The following SYCE1 variants were observed in gnomAD, a reference collection of about 807,000 sequenced individuals.
SYCE1 encodes the protein cancer/testis antigen 76.
Under a neutral mutation model 55.1 loss-of-function variants are expected in SYCE1, and 37 were observed. That is an observed-to-expected ratio of 0.67 (90% CI 0.52 to 0.88). SYCE1 has a LOEUF of 0.88. SYCE1 is among the 40% of genes least tolerant of loss of function. SYCE1 has a pLI of 0.00. For missense variants in SYCE1, 399 were observed against 416.4 expected, an observed-to-expected ratio of 0.96 and a Z score of 0.36; for synonymous variants, 163 against 159.4, an observed-to-expected ratio of 1.02 and a Z score of -0.17.
At chr10:133,564,804 A>G (rs1317020297) in intron 1 of SYCE1, among the ~76,000 whole-genome samples, 7 of 152,176 alleles carry the variant, frequency 4.6e-5, no homozygotes, top group African/African-American at 1.7e-4. Flanking sequence ...ATCCTCACAG[A>G]ACACCCAGAG....
chr10:133,566,882 AGTTACAGTTGGG>A (rs1851953416), upstream of SYCE1, among the ~76,000 whole-genome samples: 1 of 24,252 alleles, frequency 4.1e-5, no homozygotes, highest in East Asian at 3.5e-3. Flanking sequence ...TAGCATTAGG[AGTTACAGTTGGG>A]TTAAGGGTTG....
rs1289209895 is a variant in SYCE1 at position 133,565,546 on chromosome 10, A to G, written c.-17T>C. On this transcript the variant is annotated 5_prime_UTR_variant, in exon 1 of 13. Coordinates refer to ENST00000343131, the MANE Select transcript of SYCE1 (RefSeq NM_001143764.3). ...CCCCGCCATTTCCTCTCAGCTCGCC[A>G]GCGAGGGTGCCTCGGGAGGGAGCCT... The G allele has an allele frequency of 3.2e-6, 5 of 1,548,590 alleles. No homozygotes were observed. Among genetic ancestry groups the G allele is most frequent in the African/African-American group, 1.4e-5 (1 of 73,034 alleles).
chr10:133,565,550 A>C lies in SYCE1; in HGVS notation c.-21T>G, dbSNP rs897434522. ...GCCATTTCCTCTCAGCTCGCCAGCGAGGGTGCCTCGGGAGGGAGCCTCCAG... is the reference window on the plus strand; with the variant it reads ...GCCATTTCCTCTCAGCTCGCCAGCGCGGGTGCCTCGGGAGGGAGCCTCCAG... On this transcript the variant is annotated 5_prime_UTR_variant, in exon 1 of 13. Coordinates refer to ENST00000343131, the MANE Select transcript of SYCE1 (RefSeq NM_001143764.3). The C allele has an allele frequency of 3.6e-5, 55 of 1,548,184 alleles. No homozygotes were observed. In the Middle Eastern group the frequency reaches 5.0e-4, roughly 14 times the overall value.
At chr10:133,564,546 C>T (rs1339148780) in intron 1 of SYCE1, 1 of 430,698 alleles carries the variant, frequency 2.3e-6, no homozygotes, top group African/African-American at 2.1e-5. Flanking sequence ...TTCACTGTGC[C>T]ACATCTCACT....
intron 6 of SYCE1, 109 bp from the exon 7 acceptor site, chr10:133,557,265 G>A: frequency 2.3e-6 from 2 of 851,432 alleles, no homozygotes; most frequent in Non-Finnish European, 3.9e-6. Context: ...TCTACATTAA[G>A]GTCCTTCTCT....
chr10:133,558,039 T>C, intron 5 of SYCE1, 121 bp from the exon 6 acceptor site: 1 of 1,517,506 alleles, frequency 6.6e-7, no homozygotes, highest in East Asian at 2.3e-5. Context: ...ATTTACTACA[T>C]GTCTGGTGGA....
chr10:133,556,514 G>A, intron 8 of SYCE1: 1 of 579,982 alleles, frequency 1.7e-6, no homozygotes, highest in Non-Finnish European at 3.1e-6. Flanking sequence ...GCCCGTGATG[G>A]TCCCAGACAC....
intron 6 of SYCE1, chr10:133,557,522 G>A: frequency 2.0e-6 from 1 of 489,366 alleles, no homozygotes; most frequent in Non-Finnish European, 3.7e-6. Flanking sequence ...GATAATGGAT[G>A]AATGGAGAGA....
intron 5 of SYCE1, 24 bp downstream of exon 5, chr10:133,558,143 T>A: frequency 6.2e-7 from 1 of 1,614,102 alleles, no homozygotes; most frequent in South Asian, 1.1e-5. Flanking sequence ...GGCACAAGCC[T>A]GGAGACAGGG....
intron 8 of SYCE1, 82 bp downstream of exon 8, chr10:133,556,677 G>A (rs1851690776): frequency 7.0e-7 from 1 of 1,425,428 alleles, no homozygotes; most frequent in Admixed American, 2.0e-5. Flanking sequence ...GGTTGTGGCA[G>A]GTGAGAGGAA....
upstream of SYCE1, among the ~76,000 whole-genome samples, chr10:133,567,225 CG>C (rs1564861140): frequency 6.7e-6 from 1 of 149,080 alleles, no homozygotes; most frequent in African/African-American, 2.5e-5. Context: ...GGGTTTGTGT[CG>C]GGGTTGGGTT....
At chr10:133,567,049 C>T (rs542614085), upstream of SYCE1, among the ~76,000 whole-genome samples, 16 of 149,946 alleles carry the variant, frequency 1.1e-4, no homozygotes, top group African/African-American at 3.0e-4. Context: ...GGCATAGGTT[C>T]GAGTTTGGGT....
upstream of SYCE1, chr10:133,568,154 C>T (rs942444764): frequency 1.1e-6 from 1 of 877,152 alleles, no homozygotes; most frequent in Non-Finnish European, 1.8e-6. Flanking sequence ...GAGGCACAGG[C>T]CGCCCGTGGG....
intron 1 of SYCE1, 141 bp downstream of exon 1, chr10:133,565,316 A>G: frequency 1.3e-6 from 1 of 745,242 alleles, no homozygotes; most frequent in Non-Finnish European, 2.0e-6. Flanking sequence ...TCTTGGCCGA[A>G]ATTTTTCTGA....
At chr10:133,558,364 G>T in intron 4 of SYCE1, 150 bp from the exon 5 acceptor site, 1 of 820,446 alleles carries the variant, frequency 1.2e-6, no homozygotes, top group Non-Finnish European at 2.0e-6. Context: ...ACCCTCTGGT[G>T]CCCACATTCC....
At chr10:133,553,964 C>T, downstream of SYCE1, 1 of 222,808 alleles carries the variant, frequency 4.5e-6, no homozygotes, top group Non-Finnish European at 8.8e-6. Flanking sequence ...GTGTCAAAGG[C>T]CTTTTATTCA....
upstream of SYCE1, chr10:133,567,984 A>T (rs1298497295): frequency 1.7e-6 from 1 of 591,412 alleles, no homozygotes; most frequent in Non-Finnish European, 3.2e-6. Flanking sequence ...TCCTGCACCC[A>T]CTGGGGCTCC....
chr10:133,556,246 T>A (rs1437669986), intron 8 of SYCE1, 199 bp from the exon 9 acceptor site: 1 of 619,152 alleles, frequency 1.6e-6, no homozygotes, highest in African/African-American at 1.8e-5. Flanking sequence ...TCATCCCACA[T>A]CTCTGCGGTA....
chr10:133,555,277 C>T (rs1851630773), intron 12 of SYCE1, 74 bp downstream of exon 12: 2 of 1,600,334 alleles, frequency 1.2e-6, no homozygotes, highest in South Asian at 1.1e-5. Context: ...GGACCCCCTC[C>T]CTTGTCCTCC....
Sources: gnomAD v4.1 joint callset for allele counts (sites outside exome capture counted in the v4.1 genomes callset) on GRCh38, gnomAD v4.1.1 for gene constraint, MANE v1.5 for transcripts, NCBI Gene and HGNC (gene_info 2026-07-23, HGNC 2026-07-21) for gene names.